Variants in RAB19 observed in about 807,000 individuals in gnomAD.
RAB19 encodes RAB19, member RAS oncogene family.
In RAB19, 21 loss-of-function variants were observed where a neutral mutation model predicts 17.3. That is an observed-to-expected ratio of 1.21 (90% CI 0.86 to 1.74). The LOEUF (loss-of-function observed/expected upper bound fraction) is 1.74, where lower values mean the gene tolerates loss of function less well. Among genes scored for constraint, RAB19 ranks in the 40% most tolerant of loss-of-function variants. The probability of loss-of-function intolerance (pLI) is 0.00; values close to 1 mark genes in which losing one functional copy is unlikely to be tolerated. For missense variants in RAB19, 277 were observed against 286.8 expected, an observed-to-expected ratio of 0.97 and a Z score of 0.25; for synonymous variants, 126 against 110.4, an observed-to-expected ratio of 1.14 and a Z score of -0.88.
intron 3 of RAB19, among the ~76,000 whole-genome samples, chr7:140,416,614 C>G (rs1283829184): frequency 6.6e-6 from 1 of 152,140 alleles, no homozygotes; most frequent in Admixed American, 6.6e-5. Flanking sequence ...ATGAAGAAGC[C>G]CTTCCTTGGG....
chr7:140,417,447 G>T (rs1478907600), intron 3 of RAB19, among the ~76,000 whole-genome samples: 2 of 151,898 alleles, frequency 1.3e-5, no homozygotes, highest in Non-Finnish European at 2.9e-5. Context: ...GTGGGATGCA[G>T]GGAGTAGATC....
At position 140,427,411 on chromosome 7, in the gene RAB19, T is replaced by G. The variant is rs573961540; in HGVS notation, c.*1261T>G. Among the ~76,000 whole-genome samples the G allele has an allele frequency of 7.3e-6, 1 of 137,524 alleles. No homozygotes were observed. Among genetic ancestry groups the G allele is most frequent in the South Asian group, 2.5e-4 (1 of 3,974 alleles). 90.2% of individuals were successfully genotyped at this position (137,524 alleles called of 152,430 possible). On this transcript the variant is annotated 3_prime_UTR_variant, in exon 4 of 4. Transcript: ENST00000537763. The stretch of plus-strand genomic sequence containing the variant: ...TCATGATCCACCCGTCTCGGCCTCC[T>G]AAAGTGCTGGGATTACAGGCATGAG...
At chr7:140,408,815 G>A (rs1166629582) in intron 2 of RAB19, among the ~76,000 whole-genome samples, 1 of 152,066 alleles carries the variant, frequency 6.6e-6, no homozygotes, top group Non-Finnish European at 1.5e-5. Context: ...CTGAAGTGCA[G>A]TGGCACAATC....
Position 140,410,907 on chromosome 7 carries a change from A to T in RAB19, c.202-967A>T, listed in dbSNP as rs959172604. ...AATTGGTGCTGCCGCTTGGGTGGCT[A>T]ATTTGGGAGGTATTATTGTGAGAAC... On this transcript the variant is annotated intron_variant, in intron 2 of 3. Transcript: ENST00000537763. 4.4e-6 allele frequency: 6 copies of T among 1,364,406 alleles called. No homozygotes were observed. In the Middle Eastern group the frequency reaches 8.4e-4, roughly 190 times the overall value. 84.5% of individuals were successfully genotyped at this position (1,364,406 alleles called of 1,614,324 possible). A position where few individuals can be genotyped will look rare whatever the true frequency, so the allele number is the denominator to read the frequency against.
chr7:140,408,215 C>T (rs1031103790), intron 2 of RAB19, among the ~76,000 whole-genome samples: 11 of 151,770 alleles, frequency 7.2e-5, no homozygotes, highest in African/African-American at 2.7e-4. Flanking sequence ...GAATTCCCAA[C>T]AACAAAGCAC....
At chr7:140,407,599 G>T in intron 1 of RAB19, 25 bp from the exon 2 acceptor site, 1 of 1,578,702 alleles carries the variant, frequency 6.3e-7, no homozygotes. Flanking sequence ...AGTTCCTGGT[G>T]CTGAATTCCA....
intron 2 of RAB19, among the ~76,000 whole-genome samples, chr7:140,411,413 C>T (rs1400261458): frequency 2.0e-5 from 3 of 152,042 alleles, no homozygotes; most frequent in African/African-American, 7.2e-5. Flanking sequence ...AAAAATAGGT[C>T]CATCTCTCTG....
At chr7:140,424,637 A>G (rs189152863) in intron 3 of RAB19, among the ~76,000 whole-genome samples, 13,759 of 120,156 alleles carry the variant, frequency 0.11, 727 homozygotes, top group Admixed American at 0.21. Context: ...ATATATATAT[A>G]TATGTGTGTG....
intron 2 of RAB19, among the ~76,000 whole-genome samples, chr7:140,410,325 T>TTTC (rs1301949831): frequency 7.1e-5 from 9 of 126,026 alleles, no homozygotes; most frequent in African/African-American, 2.6e-4. Flanking sequence ...TTTTTTTTTT[T>TTTC]TTTTTTTTTT....
At chr7:140,411,102 A>G (rs1309382454) in intron 2 of RAB19, 1 of 1,367,442 alleles carries the variant, frequency 7.3e-7, no homozygotes, top group Non-Finnish European at 9.8e-7. Context: ...CCCAGGATAA[A>G]ATAGGCCCAC....
rs145554024 is a variant in RAB19, at chr7:140,422,693, G to A, written c.386-3189G>A. Among the ~76,000 whole-genome samples the A allele has an allele frequency of 2.9e-3, 437 of 151,734 alleles. 2 individuals carry two copies. The highest frequency in any genetic ancestry group is 0.01 in the African/African-American group (421 of 41,378). ...TAGCCATGGGTGGCGGTGCATGTCTGTAGTCCTAGTGATTTGAGAGGCTGA... is the reference window on the plus strand; with the variant it reads ...TAGCCATGGGTGGCGGTGCATGTCTATAGTCCTAGTGATTTGAGAGGCTGA... On this transcript the variant is annotated intron_variant, in intron 3 of 3. Transcript: ENST00000537763.
intron 3 of RAB19, among the ~76,000 whole-genome samples, chr7:140,413,471 A>G (rs925158139): frequency 4.0e-5 from 6 of 151,724 alleles, no homozygotes; most frequent in Non-Finnish European, 5.9e-5. Flanking sequence ...CACTTTGGGA[A>G]GCTGAGGCGG....
rs1799672519 is a variant in RAB19, at chr7:140,426,360, G to A, written c.*210G>A. ...GACTCTCAGGAAAACCAGCACCATT[G>A]TTTTCACTGACTCTTGACTCCTGGA... On this transcript the variant is annotated 3_prime_UTR_variant, in exon 4 of 4. Transcript: ENST00000537763. The A allele has an allele frequency of 1.8e-6, 1 of 564,702 alleles. No homozygotes were observed. 35.0% of individuals were successfully genotyped at this position (564,702 alleles called of 1,614,324 possible).
rs35212469 is a variant in RAB19 at position 140,426,826 on chromosome 7, AT to A, written c.*684del. On this transcript the variant is annotated 3_prime_UTR_variant, in exon 4 of 4. Transcript: ENST00000537763. The stretch of plus-strand genomic sequence containing the variant: ...CTTGGGATAGGGGAAGACACCTGCA[AT>A]TTTTTTTCTTTCTTTTTTTTTTTTT... 0.15 allele frequency among the ~76,000 whole-genome samples: 21,565 copies of A among 145,008 alleles called. 1,957 individuals are homozygous for A. Among genetic ancestry groups the A allele is most frequent in the African/African-American group, 0.25 (9,748 of 38,576 alleles).
chr7:140,426,013 G>A lies in RAB19; in HGVS notation c.517G>A (p.Val173Met), dbSNP rs146383208. 128 of 1,614,138 alleles carry A rather than the reference G, an allele frequency of 7.9e-5. No individual in the cohort carries two copies. The African/African-American group carries it at 1.1e-3, about 14-fold the overall frequency. ...KESKNIEEVF[V>M]LMAKELIARN... is the part of the protein sequence containing the mutation. ...GTCAAAGAACATAGAAGAAGTCTTC[G>A]TGCTCATGGCCAAGGAGCTGATCGC... The change falls in exon 4 of 4, where the codon GTG becomes ATG. Residue 173 changes from valine to methionine, a missense_variant. By Grantham distance (21) the Val-to-Met change is conservative. Coordinates refer to ENST00000537763, the MANE Select transcript of RAB19 (RefSeq NM_001008749.3).
chr7:140,416,393 G>A (rs889778252), intron 3 of RAB19, among the ~76,000 whole-genome samples: 4 of 152,182 alleles, frequency 2.6e-5, no homozygotes, highest in African/African-American at 9.7e-5. Context: ...AGATTTTACT[G>A]TCAAATGAAT....
At position 140,426,040 on chromosome 7, in the gene RAB19, C is replaced by G; in HGVS notation, c.544C>G (p.Arg182Gly). Residue 182 changes from arginine (R) to glycine (G), a missense_variant, in exon 4 of 4, where the codon CGC becomes GGC. Physicochemically the swap from Arg to Gly is moderately radical, Grantham distance 125 (BLOSUM62 -2). Transcript: ENST00000537763. ...GCTCATGGCCAAGGAGCTGATCGCG[C>G]GCAACAGCCTGCACCTATATGGGGA... ...FVLMAKELIARNSLHLYGESA... is the reference protein window; with the variant it reads ...FVLMAKELIAGNSLHLYGESA... The G allele has an allele frequency of 6.2e-7, 1 of 1,614,124 alleles. No homozygotes were observed. Among genetic ancestry groups the G allele is most frequent in the South Asian group, 1.1e-5 (1 of 91,082 alleles).
intron 2 of RAB19, among the ~76,000 whole-genome samples, chr7:140,408,321 A>G (rs1799288179): frequency 6.6e-6 from 1 of 152,074 alleles, no homozygotes; most frequent in African/African-American, 2.4e-5. Context: ...ATGGAATGGG[A>G]AAATCAGGCT....
chr7:140,418,445 A>G (rs909724176), intron 3 of RAB19, among the ~76,000 whole-genome samples: 7 of 149,022 alleles, frequency 4.7e-5, no homozygotes, highest in Admixed American at 2.0e-4. Context: ...GGCAGTATGC[A>G]CCTGTATGTA....
Sources: allele counts gnomAD v4.1 joint callset (sites outside exome capture counted in the v4.1 genomes callset), GRCh38; gene constraint gnomAD v4.1.1; transcripts MANE v1.5; gene names NCBI Gene and HGNC (gene_info 2026-07-23, HGNC 2026-07-21).